The following SHISA9 variants were observed in gnomAD, a reference collection of about 807,000 sequenced individuals.
The protein encoded by SHISA9 is protein shisa-9.
A neutral mutation model predicts 38.0 loss-of-function variants in SHISA9; 13 were observed. The ratio of observed to expected loss-of-function variants is 0.34; its 90% CI spans 0.22 to 0.54. The LOEUF is 0.54. Among genes scored for constraint, SHISA9 ranks in the 20% least tolerant of loss-of-function variants. The probability of loss-of-function intolerance (pLI) is 0.91; values close to 1 mark genes in which losing one functional copy is unlikely to be tolerated. For missense variants in SHISA9, 538 were observed against 575.8 expected (o/e 0.93, Z 0.67); for synonymous variants, 275 against 242.0 (o/e 1.14, Z -1.27).
At chr16:13,033,372 A>G (rs757845727) in intron 2 of SHISA9, among the ~76,000 whole-genome samples, 3 of 152,190 alleles carry the variant, frequency 2.0e-5, no homozygotes, top group Non-Finnish European at 4.4e-5. Context: ...CACTTCCACT[A>G]TAAGAACCAA....
the SHISA9 span, among the ~76,000 whole-genome samples, chr16:13,538,163 G>C: frequency 6.6e-6 from 1 of 152,074 alleles, no homozygotes; most frequent in African/African-American, 2.4e-5. Context: ...GAATTTACTG[G>C]GGTGGCTTTA....
intron 2 of SHISA9, among the ~76,000 whole-genome samples, chr16:13,154,791 G>C (rs926454695): frequency 6.6e-6 from 1 of 152,228 alleles, no homozygotes; most frequent in Admixed American, 6.5e-5. Context: ...AGGATTTCAG[G>C]TTTAGGGTCT....
At chr16:13,171,364 A>G (rs1596699929) in intron 2 of SHISA9, among the ~76,000 whole-genome samples, 1 of 152,122 alleles carries the variant, frequency 6.6e-6, no homozygotes, top group Non-Finnish European at 1.5e-5. Flanking sequence ...GTTCATGGAA[A>G]GCTACACATT....
chr16:13,481,895 A>G, the SHISA9 span, among the ~76,000 whole-genome samples: 1 of 152,350 alleles, frequency 6.6e-6, no homozygotes, highest in Non-Finnish European at 1.5e-5. Flanking sequence ...ATTAAGAGAG[A>G]TCTCATTAAG....
chr16:13,108,653 A>G (rs1469731645), intron 2 of SHISA9, among the ~76,000 whole-genome samples: 1 of 152,196 alleles, frequency 6.6e-6, no homozygotes, highest in South Asian at 2.1e-4. Flanking sequence ...AATATTTATC[A>G]TGTAATACTA....
intron 2 of SHISA9, among the ~76,000 whole-genome samples, chr16:13,065,441 C>T (rs2073422979): frequency 6.6e-6 from 1 of 152,158 alleles, no homozygotes. Flanking sequence ...AATTCAAGGC[C>T]AAAGCCACGT....
At chr16:13,256,482 G>T in the SHISA9 span, among the ~76,000 whole-genome samples, 1 of 152,164 alleles carries the variant, frequency 6.6e-6, no homozygotes, top group Non-Finnish European at 1.5e-5. Flanking sequence ...TGTTTTCCGT[G>T]TTGGTCAGGC....
chr16:13,276,001 T>A, the SHISA9 span, among the ~76,000 whole-genome samples: 1 of 152,006 alleles, frequency 6.6e-6, no homozygotes, highest in Non-Finnish European at 1.5e-5. Context: ...AGTGGTGATT[T>A]GTGAAATTTT....
chr16:13,346,265 T>G, the SHISA9 span, among the ~76,000 whole-genome samples: 4 of 152,196 alleles, frequency 2.6e-5, no homozygotes, highest in East Asian at 7.7e-4. Context: ...GCCTTCAGTT[T>G]CATGCAAGTT....
At chr16:12,951,221 CA>C (rs71147772) in intron 2 of SHISA9, among the ~76,000 whole-genome samples, 30 of 11,998 alleles carry the variant, frequency 2.5e-3, no homozygotes, top group Admixed American at 7.5e-3. Flanking sequence ...ACTCCTTCTC[CA>C]AAAAAAAAAA....
At chr16:13,226,081 G>A (rs1037904686) in intron 4 of SHISA9, among the ~76,000 whole-genome samples, 3 of 152,170 alleles carry the variant, frequency 2.0e-5, no homozygotes, top group African/African-American at 7.2e-5. Flanking sequence ...CAATGAATCT[G>A]TTATTCTTTT....
chr16:13,527,137 T>G, the SHISA9 span, among the ~76,000 whole-genome samples: 2 of 152,210 alleles, frequency 1.3e-5, no homozygotes, highest in Non-Finnish European at 2.9e-5. Context: ...ATAAAGTGTT[T>G]ACTTCAACAA....
chr16:13,342,765 A>G, the SHISA9 span, among the ~76,000 whole-genome samples: 8 of 152,226 alleles, frequency 5.3e-5, no homozygotes, highest in Non-Finnish European at 1.0e-4. Context: ...ATTATTTGCA[A>G]TCACCTGCTT....
chr16:13,025,079 G>C (rs931501054), intron 2 of SHISA9, among the ~76,000 whole-genome samples: 2 of 151,936 alleles, frequency 1.3e-5, no homozygotes, highest in African/African-American at 2.4e-5. Flanking sequence ...ATTTTTTTCT[G>C]AATCTCTAGG....
intron 2 of SHISA9, among the ~76,000 whole-genome samples, chr16:13,038,836 AG>A (rs1417446266): frequency 6.6e-6 from 1 of 152,212 alleles, no homozygotes; most frequent in Non-Finnish European, 1.5e-5. Flanking sequence ...TCTGACACAT[AG>A]TAGAGCCTCT....
chr16:13,428,776 T>TTG, the SHISA9 span, among the ~76,000 whole-genome samples: 89 of 150,782 alleles, frequency 5.9e-4, no homozygotes, highest in Admixed American at 1.2e-3. Flanking sequence ...TTTTATTGTT[T>TTG]TTTTTTTTTT....
the SHISA9 span, among the ~76,000 whole-genome samples, chr16:13,530,503 G>A: frequency 6.6e-6 from 1 of 152,206 alleles, no homozygotes; most frequent in African/African-American, 2.4e-5. Context: ...AGTGTTAGCT[G>A]TTGCTTTTAT....
At chr16:13,510,720 A>G in the SHISA9 span, among the ~76,000 whole-genome samples, 1 of 152,150 alleles carries the variant, frequency 6.6e-6, no homozygotes, top group African/African-American at 2.4e-5. Flanking sequence ...TTATAATTCC[A>G]GCCTATAGAA....
At chr16:13,346,307 CCAGATATT>C in the SHISA9 span, among the ~76,000 whole-genome samples, 1 of 152,150 alleles carries the variant, frequency 6.6e-6, no homozygotes, top group Non-Finnish European at 1.5e-5. Context: ...TGCGACGCCA[CCAGATATT>C]CATGGGCTAA....
Sources: gnomAD v4.1 joint callset for allele counts (sites outside exome capture counted in the v4.1 genomes callset) on GRCh38, gnomAD v4.1.1 for gene constraint, MANE v1.5 for transcripts, NCBI Gene and HGNC (gene_info 2026-07-23, HGNC 2026-07-21) for gene names.